Variants in RELL1 observed in about 807,000 individuals in gnomAD.
RELL1 encodes the protein RELT-like protein 1.
Under a neutral mutation model 23.0 loss-of-function variants are expected in RELL1, and 10 were observed. The observed-to-expected ratio is 0.43, with a 90% CI of 0.27 to 0.74. The LOEUF is 0.74. Among genes scored for constraint, RELL1 ranks in the 30% least tolerant of loss-of-function variants. The pLI is 0.19. For missense variants in RELL1, 315 were observed against 364.4 expected, an observed-to-expected ratio of 0.86 and a Z score of 1.10; for synonymous variants, 146 against 146.8, an observed-to-expected ratio of 0.99 and a Z score of 0.04.
intron 6 of RELL1, among the ~76,000 whole-genome samples, chr4:37,603,001 G>GA (rs1292425042): frequency 6.6e-6 from 1 of 152,184 alleles, no homozygotes; most frequent in East Asian, 1.9e-4. Flanking sequence ...AAATCAGTTA[G>GA]AAAAAAACTA....
At chr4:37,658,670 G>A (rs1351606759) in intron 1 of RELL1, among the ~76,000 whole-genome samples, 6 of 152,154 alleles carry the variant, frequency 3.9e-5, no homozygotes, top group African/African-American at 1.4e-4. Context: ...CGTAAAACAC[G>A]ACTTGTAAGA....
chr4:37,672,383 T>A (rs1721863198), intron 1 of RELL1, among the ~76,000 whole-genome samples: 1 of 151,824 alleles, frequency 6.6e-6, no homozygotes, highest in African/African-American at 2.4e-5. Context: ...ATCCCAAGGG[T>A]TATTTTTAGG....
chr4:37,670,883 T>C (rs1205196491), intron 1 of RELL1, among the ~76,000 whole-genome samples: 1 of 152,198 alleles, frequency 6.6e-6, no homozygotes, highest in Admixed American at 6.5e-5. Context: ...CCCCACTAAA[T>C]CTTTTAAAAA....
intron 6 of RELL1, among the ~76,000 whole-genome samples, chr4:37,621,175 G>A (rs763243354): frequency 7.2e-5 from 11 of 152,114 alleles, no homozygotes; most frequent in South Asian, 2.1e-4. Context: ...AAGAAAAATC[G>A]GCCAGGCGCG....
intron 1 of RELL1, among the ~76,000 whole-genome samples, chr4:37,680,230 G>A (rs1216857889): frequency 6.6e-6 from 1 of 152,184 alleles, no homozygotes; most frequent in Non-Finnish European, 1.5e-5. Context: ...ATGAAATTGA[G>A]TCTTTTTGGC....
intron 1 of RELL1, among the ~76,000 whole-genome samples, chr4:37,673,304 C>T (rs563694198): frequency 6.9e-6 from 1 of 144,134 alleles, no homozygotes; most frequent in Admixed American, 7.4e-5. Context: ...ATCCTCCTGC[C>T]TCAACCTCCT....
At chr4:37,679,470 A>C (rs1209426362) in intron 1 of RELL1, among the ~76,000 whole-genome samples, 1 of 152,206 alleles carries the variant, frequency 6.6e-6, no homozygotes, top group Non-Finnish European at 1.5e-5. Flanking sequence ...TGAGTCACAG[A>C]AGCGAAAATG....
downstream of RELL1, among the ~76,000 whole-genome samples, chr4:37,606,672 A>G (rs377538319): frequency 1.3e-5 from 2 of 152,310 alleles, no homozygotes; most frequent in Non-Finnish European, 1.5e-5. This position sits in a 1 kb window ranked among gnomAD's most constrained non-coding sequence, Gnocchi z 4.1. Flanking sequence ...GAAGGAATCA[A>G]CCCTGCAGAC....
At chr4:37,628,451 A>G (rs1327413275) in intron 6 of RELL1, among the ~76,000 whole-genome samples, 1 of 152,202 alleles carries the variant, frequency 6.6e-6, no homozygotes, top group Non-Finnish European at 1.5e-5. Flanking sequence ...GAATACCCAA[A>G]AAACTGTAGG....
At chr4:37,610,493 A>G (rs760988360), downstream of RELL1, among the ~76,000 whole-genome samples, 1 of 152,090 alleles carries the variant, frequency 6.6e-6, no homozygotes, top group Non-Finnish European at 1.5e-5. This position sits in a 1 kb window ranked among gnomAD's most constrained non-coding sequence, Gnocchi z 4.1. Context: ...CTCATGAGGA[A>G]AGTCAGCCAA....
chr4:37,653,155 G>A (rs1721008078), intron 1 of RELL1, among the ~76,000 whole-genome samples: 1 of 152,166 alleles, frequency 6.6e-6, no homozygotes, highest in East Asian at 1.9e-4. Context: ...GATAGCTACT[G>A]ATAAAAGGTG....
At chr4:37,679,038 T>A (rs1278272749) in intron 1 of RELL1, among the ~76,000 whole-genome samples, 1 of 152,112 alleles carries the variant, frequency 6.6e-6, no homozygotes, top group Non-Finnish European at 1.5e-5. Context: ...CTTGGGGTAT[T>A]GCAGGTGGGA....
chr4:37,635,055 G>C lies in RELL1; in HGVS notation c.512C>G (p.Pro171Arg). ...SPGPLSPGGT[P>R]GKHVCGHHLH... is the part of the protein sequence containing the mutation. ...ATGATGGCCACAGACGTGCTTCCCT[G>C]GCGTCCCCCCTGGTGACAAAGGCCC... is the stretch of plus-strand genomic sequence containing the variant. The change falls in exon 5 of 7, where the codon CCA becomes CGA. Residue 171 changes from proline to arginine, a missense_variant. Pro to Arg is a moderately radical substitution (Grantham distance 103). Transcript: ENST00000454158. 1 of 1,614,194 alleles carries C rather than the reference G, an allele frequency of 6.2e-7. No individual in the cohort carries two copies. Among genetic ancestry groups the C allele is most frequent in the South Asian group, 1.1e-5 (1 of 91,088 alleles).
chr4:37,588,752 A>T, downstream of RELL1: 1 of 874,182 alleles, frequency 1.1e-6, no homozygotes, highest in East Asian at 2.4e-5. Flanking sequence ...CTCTCTTAAT[A>T]CATTTTGAGT....
At chr4:37,636,747 C>T (rs1024185052) in intron 4 of RELL1, among the ~76,000 whole-genome samples, 4 of 152,150 alleles carry the variant, frequency 2.6e-5, no homozygotes, top group Non-Finnish European at 5.9e-5. Flanking sequence ...GGTGGGAGTA[C>T]TGAGGGTGGC....
At chr4:37,653,011 T>G (rs1721004288) in intron 1 of RELL1, among the ~76,000 whole-genome samples, 1 of 152,172 alleles carries the variant, frequency 6.6e-6, no homozygotes, top group Non-Finnish European at 1.5e-5. Context: ...GTGTGACTAA[T>G]CTGTGATAAT....
rs1237853761 is a variant in RELL1 at position 37,610,937 on chromosome 4, T to C, written c.*2409A>G. 2.0e-5 allele frequency among the ~76,000 whole-genome samples: 3 copies of C among 152,260 alleles called. No individual in the cohort carries two copies. The highest frequency in any genetic ancestry group is 3.4e-3 in the Middle Eastern group (1 of 294). On this transcript the variant is annotated 3_prime_UTR_variant, in exon 7 of 7. Coordinates refer to ENST00000454158, the MANE Select transcript of RELL1 (RefSeq NM_001085400.2). The surrounding 1 kb of genome is among the most constrained non-coding windows in gnomAD (Gnocchi z 4.1). ...CATCAGATAGTTCAGTATAAACCAGTAAAAAGCGTATGTGTTGAAAATACT... is the reference window on the plus strand; with the variant it reads ...CATCAGATAGTTCAGTATAAACCAGCAAAAAGCGTATGTGTTGAAAATACT...
downstream of RELL1, chr4:37,590,727 G>A (rs138114150): frequency 3.7e-6 from 6 of 1,614,036 alleles, no homozygotes; most frequent in Admixed American, 3.3e-5. Flanking sequence ...AGCCCCCAGT[G>A]GGGGAGCATG....
At chr4:37,672,465 T>C (rs1046113879) in intron 1 of RELL1, among the ~76,000 whole-genome samples, 1 of 152,166 alleles carries the variant, frequency 6.6e-6, no homozygotes, top group Admixed American at 6.5e-5. Flanking sequence ...GTCAAGAGTC[T>C]TTACTCACTA....
Sources: gnomAD v4.1 joint callset for allele counts (sites outside exome capture counted in the v4.1 genomes callset) on GRCh38, gnomAD v4.1.1 for gene constraint, Gnocchi (gnomAD v3.1) non-coding constraint, MANE v1.5 for transcripts, NCBI Gene and HGNC (gene_info 2026-07-23, HGNC 2026-07-21) for gene names.